The following FSTL5 variants were observed in gnomAD, a reference collection of about 807,000 sequenced individuals.
FSTL5 encodes the protein follistatin like 5.
In FSTL5, 62 loss-of-function variants were observed where a neutral mutation model predicts 89.1. That is an observed-to-expected ratio of 0.70 (90% CI 0.57 to 0.86). FSTL5 has a LOEUF of 0.86. Among genes scored for constraint, FSTL5 ranks in the 40% least tolerant of loss-of-function variants. The probability of loss-of-function intolerance (pLI) is 0.00; values close to 1 mark genes in which losing one functional copy is unlikely to be tolerated. For synonymous variants in FSTL5, 383 were observed against 346.2 expected (o/e 1.11, Z -1.18); for missense variants, 1,057 against 1,001.6 (o/e 1.06, Z -0.75).
intron 2 of FSTL5, among the ~76,000 whole-genome samples, chr4:162,093,804 A>C (rs1185779780): frequency 1.3e-5 from 2 of 152,164 alleles, no homozygotes; most frequent in East Asian, 3.9e-4. Context: ...TCTAAATTAG[A>C]TATTACATAC....
intron 1 of FSTL5, among the ~76,000 whole-genome samples, chr4:162,123,511 T>C (rs1731949991): frequency 6.6e-6 from 1 of 152,150 alleles, no homozygotes; most frequent in Admixed American, 6.5e-5. Flanking sequence ...AGAATCAAAG[T>C]CTCCATGTTT....
chr4:161,934,594 T>C (rs1411999108), intron 3 of FSTL5, among the ~76,000 whole-genome samples: 1 of 151,950 alleles, frequency 6.6e-6, no homozygotes, highest in Non-Finnish European at 1.5e-5. Flanking sequence ...TAACTAGCTG[T>C]GTAATTTTAG....
intron 3 of FSTL5, among the ~76,000 whole-genome samples, chr4:161,960,969 A>G (rs1261973325): frequency 6.6e-6 from 1 of 152,102 alleles, no homozygotes; most frequent in Non-Finnish European, 1.5e-5. Context: ...TTAAATTCTC[A>G]TCCTAAATAT....
At chr4:161,747,941 A>C (rs1740259141) in intron 6 of FSTL5, among the ~76,000 whole-genome samples, 1 of 152,176 alleles carries the variant, frequency 6.6e-6, no homozygotes, top group Non-Finnish European at 1.5e-5. Flanking sequence ...AATTATTTCC[A>C]AATTTACTAA....
At chr4:161,439,893 C>A (rs1406781716) in intron 15 of FSTL5, among the ~76,000 whole-genome samples, 1 of 152,082 alleles carries the variant, frequency 6.6e-6, no homozygotes, top group Non-Finnish European at 1.5e-5. Flanking sequence ...GGTAGTTCCC[C>A]AAGTGAATGG....
chr4:161,606,432 A>C (rs931921358), intron 7 of FSTL5, among the ~76,000 whole-genome samples: 1 of 151,508 alleles, frequency 6.6e-6, no homozygotes, highest in African/African-American at 2.4e-5. Flanking sequence ...GGGTTGCACC[A>C]TGTTGGCCAG....
intron 6 of FSTL5, among the ~76,000 whole-genome samples, chr4:161,699,262 C>A (rs1183999336): frequency 6.6e-6 from 1 of 152,134 alleles, no homozygotes; most frequent in East Asian, 1.9e-4. Context: ...TTAAATCGTG[C>A]CTTTTTGTGA....
intron 7 of FSTL5, among the ~76,000 whole-genome samples, chr4:161,589,681 A>G (rs545034357): frequency 6.6e-6 from 1 of 152,164 alleles, no homozygotes; most frequent in Admixed American, 6.5e-5. Context: ...TTTCTGCAAC[A>G]GAGATACTAG....
rs534953888 is a variant in FSTL5 at position 161,498,016 on chromosome 4, G to A, written c.1458+2000C>T. Reference sequence around the variant, plus strand: ...TATGTATGCATACATAAACATATATGTATACATAGAGACCTGGATACATCA... The same window carrying A: ...TATGTATGCATACATAAACATATATATATACATAGAGACCTGGATACATCA... On this transcript the variant is annotated intron_variant, in intron 12 of 15. Transcript: ENST00000306100. Among the ~76,000 whole-genome samples the A allele has an allele frequency of 1.1e-4, 16 of 151,152 alleles. No homozygotes were observed. The South Asian group carries it at 2.9e-3, about 28-fold the overall frequency.
rs199897436 is a variant in FSTL5, at chr4:161,385,783, T to C, written c.2508A>G (p.Glu836=). The C allele has an allele frequency of 6.3e-5, 101 of 1,607,746 alleles. No homozygotes were observed. In the African/African-American group the frequency reaches 1.1e-3, roughly 17 times the overall value. ...NKLNCEITEV[E]KGNTVIWVGD... is the part of the protein sequence containing the mutation. ...CAACCCAAATGACTGTATTTCCTTT[T>C]TCAACTTCAGTGATCTCACAGTTTA... The change falls in exon 16 of 16, where the codon GAA becomes GAG. Residue 836 remains glutamate, a synonymous_variant. Transcript: ENST00000306100.
At chr4:161,450,176 G>T (rs1560900782) in intron 15 of FSTL5, among the ~76,000 whole-genome samples, 1 of 152,104 alleles carries the variant, frequency 6.6e-6, no homozygotes, top group Non-Finnish European at 1.5e-5. Context: ...TACCTCCTTA[G>T]CTTCTCCTCT....
intron 3 of FSTL5, among the ~76,000 whole-genome samples, chr4:161,923,475 G>A (rs899479974): frequency 6.6e-6 from 1 of 151,674 alleles, no homozygotes; most frequent in African/African-American, 2.4e-5. Flanking sequence ...AATGTTTATA[G>A]AGTCTATATG....
intron 4 of FSTL5, among the ~76,000 whole-genome samples, chr4:161,824,910 C>T (rs1043353937): frequency 6.6e-6 from 1 of 152,132 alleles, no homozygotes; most frequent in Non-Finnish European, 1.5e-5. Context: ...ATTGTTCTAG[C>T]TAGGACTTCC....
intron 3 of FSTL5, among the ~76,000 whole-genome samples, chr4:161,987,718 A>G (rs1227497615): frequency 6.6e-6 from 1 of 150,908 alleles, no homozygotes; most frequent in Admixed American, 6.6e-5. Context: ...ATCATGAGGA[A>G]CATTCTTTAC....
chr4:161,706,659 G>A (rs1306821569), intron 6 of FSTL5, among the ~76,000 whole-genome samples: 1 of 151,876 alleles, frequency 6.6e-6, no homozygotes, highest in African/African-American at 2.4e-5. Flanking sequence ...TATTTTTGTA[G>A]ATTAAAAGCA....
intron 15 of FSTL5, among the ~76,000 whole-genome samples, chr4:161,436,725 C>A (rs1051144023): frequency 8.5e-5 from 13 of 152,162 alleles, no homozygotes. Context: ...CCCATCTATG[C>A]CCGCAGATGG....
At chr4:161,549,338 C>G (rs1438059626) in intron 8 of FSTL5, among the ~76,000 whole-genome samples, 1 of 151,388 alleles carries the variant, frequency 6.6e-6, no homozygotes, top group African/African-American at 2.4e-5. Flanking sequence ...TATTGCAAAG[C>G]AATATATATT....
chr4:161,408,917 T>G (rs1731489331), intron 15 of FSTL5, among the ~76,000 whole-genome samples: 1 of 152,186 alleles, frequency 6.6e-6, no homozygotes, highest in South Asian at 2.1e-4. Flanking sequence ...TATGGGATTA[T>G]GTGAAGAGAC....
intron 15 of FSTL5, among the ~76,000 whole-genome samples, chr4:161,424,728 G>T (rs1732113024): frequency 6.6e-6 from 1 of 152,158 alleles, no homozygotes; most frequent in South Asian, 2.1e-4. Context: ...ATTTTGGACT[G>T]AGCTCCTGTA....
Sources: allele counts gnomAD v4.1 joint callset (sites outside exome capture counted in the v4.1 genomes callset), GRCh38; gene constraint gnomAD v4.1.1; transcripts MANE v1.5; gene names NCBI Gene and HGNC (gene_info 2026-07-23, HGNC 2026-07-21).